Variants in KCNH1 observed in about 807,000 individuals in gnomAD.
KCNH1 encodes voltage-gated delayed rectifier potassium channel KCNH1.
Under a neutral mutation model 69.2 loss-of-function variants are expected in KCNH1, and 27 were observed. The observed-to-expected ratio is 0.39, with a 90% confidence interval of 0.29 to 0.54. The LOEUF is 0.54. Ranked by LOEUF, KCNH1 falls within the 20% of genes least tolerant of loss-of-function variation. The pLI is 0.68. For missense variants in KCNH1, 798 were observed against 1,261.6 expected, an observed-to-expected ratio of 0.63 and a Z score of 5.57; for synonymous variants, 456 against 487.7, an observed-to-expected ratio of 0.93 and a Z score of 0.86.
intron 6 of KCNH1, among the ~76,000 whole-genome samples, chr1:210,989,583 TA>T (rs1471066869): frequency 6.6e-6 from 1 of 152,194 alleles, no homozygotes; most frequent in Non-Finnish European, 1.5e-5. Context: ...AGGCTCTTAA[TA>T]AAGGGTTTTT....
At chr1:210,825,622 A>G (rs1685017615) in intron 7 of KCNH1, among the ~76,000 whole-genome samples, 1 of 152,168 alleles carries the variant, frequency 6.6e-6, no homozygotes, top group African/African-American at 2.4e-5. Context: ...TAGATCCACA[A>G]ATCACACTTT....
At chr1:210,772,241 C>T (rs1014095751) in intron 10 of KCNH1, among the ~76,000 whole-genome samples, 3 of 152,146 alleles carry the variant, frequency 2.0e-5, no homozygotes, top group African/African-American at 4.8e-5. Context: ...GTCTTTGCTG[C>T]ACATTGGAGA....
At chr1:211,000,795 G>T (rs569089833) in intron 6 of KCNH1, among the ~76,000 whole-genome samples, 1 of 152,238 alleles carries the variant, frequency 6.6e-6, no homozygotes, top group African/African-American at 2.4e-5. Flanking sequence ...AAACAGCATG[G>T]TACTGGTACC....
At chr1:210,952,188 C>G (rs1196388703) in intron 6 of KCNH1, among the ~76,000 whole-genome samples, 2 of 152,204 alleles carry the variant, frequency 1.3e-5, no homozygotes, top group Non-Finnish European at 2.9e-5. Flanking sequence ...CAGGGTTGTA[C>G]TAATTCTAAA....
intron 9 of KCNH1, among the ~76,000 whole-genome samples, chr1:210,797,159 T>G (rs1311308241): frequency 2.0e-5 from 3 of 152,220 alleles, no homozygotes; most frequent in Non-Finnish European, 2.9e-5. Context: ...TCATTCTCAA[T>G]TTTTAAGTTT....
intron 10 of KCNH1, among the ~76,000 whole-genome samples, chr1:210,708,391 A>G (rs940153537): frequency 3.3e-5 from 5 of 151,922 alleles, no homozygotes; most frequent in African/African-American, 9.7e-5. Flanking sequence ...CATGATCTCT[A>G]TTCCCCTCTA....
intron 7 of KCNH1, among the ~76,000 whole-genome samples, chr1:210,917,275 G>GAAAGAAAGAAAGAAAGAAAGA (rs1553359771): frequency 2.0e-4 from 28 of 142,980 alleles, no homozygotes; most frequent in African/African-American, 6.7e-4. Flanking sequence ...AAGAAAGAAA[G>GAAAGAAAGAAAGAAAGAAAGA]AAAGAAAAGA....
chr1:210,962,300 T>C (rs568894327), intron 6 of KCNH1, among the ~76,000 whole-genome samples: 2 of 152,230 alleles, frequency 1.3e-5, no homozygotes, highest in Non-Finnish European at 2.9e-5. Flanking sequence ...TGATACCTGA[T>C]GGTTTGAAAA....
chr1:210,839,869 T>G (rs777363702), intron 7 of KCNH1, among the ~76,000 whole-genome samples: 1 of 152,188 alleles, frequency 6.6e-6, no homozygotes, highest in Non-Finnish European at 1.5e-5. Flanking sequence ...TTAAGTTGGA[T>G]TCTATCTTCT....
chr1:211,124,200 T>C (rs904578455), intron 1 of KCNH1, among the ~76,000 whole-genome samples: 1 of 152,218 alleles, frequency 6.6e-6, no homozygotes, highest in African/African-American at 2.4e-5. Flanking sequence ...AAGTATTTTA[T>C]CGAGCTTGTA....
At chr1:210,698,113 A>G (rs1388790213) in intron 10 of KCNH1, among the ~76,000 whole-genome samples, 1 of 152,242 alleles carries the variant, frequency 6.6e-6, no homozygotes, top group African/African-American at 2.4e-5. Flanking sequence ...AGTAACCTTA[A>G]GTATTTCAGT....
intron 7 of KCNH1, among the ~76,000 whole-genome samples, chr1:210,851,279 T>A (rs1414697815): frequency 6.6e-6 from 1 of 152,252 alleles, no homozygotes; most frequent in Non-Finnish European, 1.5e-5. Flanking sequence ...TTTGGGTACC[T>A]TGTTCTTTCA....
chr1:211,020,312 A>G (rs1410021683), intron 5 of KCNH1, among the ~76,000 whole-genome samples: 1 of 152,014 alleles, frequency 6.6e-6, no homozygotes, highest in Non-Finnish European at 1.5e-5. Context: ...TACAAGAAAT[A>G]CCACACAAAT....
At chr1:210,823,244 G>GA (rs890347464) in intron 7 of KCNH1, among the ~76,000 whole-genome samples, 17 of 149,042 alleles carry the variant, frequency 1.1e-4, no homozygotes, top group South Asian at 2.1e-4. Context: ...TTATCTGAGT[G>GA]AAAAAAAAAC....
At chr1:210,962,756 G>C (rs1490083750) in intron 6 of KCNH1, among the ~76,000 whole-genome samples, 2 of 151,390 alleles carry the variant, frequency 1.3e-5, no homozygotes, top group African/African-American at 4.9e-5. Flanking sequence ...TGAGACTCTA[G>C]GCATGAGTCT....
intron 1 of KCNH1, among the ~76,000 whole-genome samples, chr1:211,132,112 C>T (rs1048159606): frequency 2.0e-5 from 3 of 152,170 alleles, no homozygotes; most frequent in African/African-American, 7.2e-5. Flanking sequence ...ACACAGTATA[C>T]ATTAGGTACT....
chr1:210,862,052 A>G, intron 7 of KCNH1: 1 of 790,084 alleles, frequency 1.3e-6, no homozygotes, highest in Non-Finnish European at 2.3e-6. Flanking sequence ...GTATAAGGGG[A>G]TATATACTTT....
chr1:210,951,032 G>A (rs1688054106), intron 6 of KCNH1, among the ~76,000 whole-genome samples: 1 of 152,188 alleles, frequency 6.6e-6, no homozygotes, highest in Non-Finnish European at 1.5e-5. Flanking sequence ...ACATTAAAAG[G>A]TTAAATGGGT....
intron 6 of KCNH1, among the ~76,000 whole-genome samples, chr1:210,960,136 G>A (rs1688265404): frequency 6.6e-6 from 1 of 152,116 alleles, no homozygotes; most frequent in Non-Finnish European, 1.5e-5. Context: ...AAATAATTAT[G>A]AAATGTATAT....
Sources: gnomAD v4.1 joint callset for allele counts (sites outside exome capture counted in the v4.1 genomes callset) on GRCh38, gnomAD v4.1.1 for gene constraint, MANE v1.5 for transcripts, NCBI Gene and HGNC (gene_info 2026-07-23, HGNC 2026-07-21) for gene names.